HDAC9: variants seen among roughly 807,000 people sequenced by gnomAD.
HDAC9 encodes MEF-2 interacting transcription repressor (MITR) protein.
Under a neutral mutation model 139.4 loss-of-function variants are expected in HDAC9, and 41 were observed. That is an observed-to-expected ratio of 0.29 (90% CI 0.23 to 0.38). The LOEUF is 0.38. Among genes scored for constraint, HDAC9 ranks in the 10% least tolerant of loss-of-function variants. The pLI is 1.00. For missense variants in HDAC9, 1,147 were observed against 1,297.0 expected (o/e 0.88, Z 1.78); for synonymous variants, 517 against 476.2 (o/e 1.09, Z -1.12).
intron 1 of HDAC9, among the ~76,000 whole-genome samples, chr7:18,350,331 G>A (rs147379669): frequency 2.5e-4 from 38 of 152,258 alleles, no homozygotes; most frequent in Non-Finnish European, 4.6e-4. Context: ...GGATTCAGGA[G>A]CTAATTGTGT....
chr7:18,702,574 A>G (rs967512368), intron 12 of HDAC9, among the ~76,000 whole-genome samples: 1 of 152,190 alleles, frequency 6.6e-6, no homozygotes, highest in Non-Finnish European at 1.5e-5. Flanking sequence ...CCATAATGCT[A>G]TCCTGAGAGA....
intron 1 of HDAC9, among the ~76,000 whole-genome samples, chr7:18,146,126 C>G (rs888484623): frequency 2.6e-5 from 4 of 152,078 alleles, no homozygotes; most frequent in African/African-American, 9.7e-5. Flanking sequence ...TCAAGTAATT[C>G]CAGAATGCTG....
At position 18,727,598 on chromosome 7, in the gene HDAC9, C is replaced by A; in HGVS notation, c.1750C>A (p.His584Asn). ...GCAACAGCCTTTCCTGGAACCCACG[C>A]ACACACGTGCGCTCTCTGTGCGCCA... is the stretch of plus-strand genomic sequence containing the variant. ...FMQQPFLEPT[H>N]TRALSVRQAP... is the part of the protein sequence containing the mutation. Residue 584 changes from histidine to asparagine, a missense_variant, in exon 13 of 26, where the codon CAC (histidine) becomes AAC (asparagine). Transcript: ENST00000686413. The A allele has an allele frequency of 6.3e-7, 1 of 1,597,924 alleles. No homozygotes were observed. Among genetic ancestry groups the A allele is most frequent in the South Asian group, 1.1e-5 (1 of 87,984 alleles).
chr7:18,929,647 A>G (rs576547449), intron 22 of HDAC9, among the ~76,000 whole-genome samples: 1 of 152,226 alleles, frequency 6.6e-6, no homozygotes, highest in South Asian at 2.1e-4. Flanking sequence ...TTTAAAAAGT[A>G]TCTGACACGG....
chr7:18,220,930 A>G (rs1792655877), intron 2 of HDAC9, among the ~76,000 whole-genome samples: 1 of 152,124 alleles, frequency 6.6e-6, no homozygotes, highest in Non-Finnish European at 1.5e-5. Context: ...TCTCTTATGA[A>G]TATGTTGTTT....
chr7:18,230,151 A>G (rs1793349668), intron 2 of HDAC9, among the ~76,000 whole-genome samples: 1 of 152,190 alleles, frequency 6.6e-6, no homozygotes, highest in Non-Finnish European at 1.5e-5. Context: ...TGCAAGTACT[A>G]TACTTTTTCT....
At chr7:18,246,598 G>A (rs1794549940) in intron 2 of HDAC9, among the ~76,000 whole-genome samples, 1 of 152,064 alleles carries the variant, frequency 6.6e-6, no homozygotes, top group Non-Finnish European at 1.5e-5. Flanking sequence ...GAGGTGAAGA[G>A]GCTCATGTGG....
chr7:18,311,509 CAGAT>C (rs1799316563), intron 1 of HDAC9, among the ~76,000 whole-genome samples: 1 of 151,982 alleles, frequency 6.6e-6, no homozygotes, highest in Non-Finnish European at 1.5e-5. Flanking sequence ...ATTGTGCTAT[CAGAT>C]AGATAATATT....
At chr7:18,126,041 T>C (rs1784642554) in intron 1 of HDAC9, among the ~76,000 whole-genome samples, 2 of 152,196 alleles carry the variant, frequency 1.3e-5, no homozygotes, top group South Asian at 4.1e-4. Context: ...CTGGTTCCAT[T>C]AAATTTTGTA....
Position 18,824,093 on chromosome 7 carries a change from G to GAAGAAGAAGAAGAAGAAGAAGAAGAAC in HDAC9, c.2323-5066_2323-5065insGAAGAAGAAGAAGAAGAAGAAGAACAA, listed in dbSNP as rs869114650. Among the ~76,000 whole-genome samples the GAAGAAGAAGAAGAAGAAGAAGAAGAAC allele has an allele frequency of 5.3e-5, 8 of 150,768 alleles. No individual in the cohort carries two copies. The East Asian group carries it at 8.0e-4, about 15-fold the overall frequency. ...AGAAGAAGAAGAAGAAGAAGAACAAGAACAAGAAGGAGAAGAAGAAGAGGT... is the reference window on the plus strand; with the variant it reads ...AGAAGAAGAAGAAGAAGAAGAACAAGAAGAAGAAGAAGAAGAAGAAGAAGAACAACAAGAAGGAGAAGAAGAAGAGGT... On this transcript the variant is annotated intron_variant, in intron 17 of 25. Transcript: ENST00000686413.
At chr7:18,129,388 T>A (rs1040615547) in intron 1 of HDAC9, among the ~76,000 whole-genome samples, 20 of 152,262 alleles carry the variant, frequency 1.3e-4, no homozygotes, top group African/African-American at 4.8e-4. Flanking sequence ...AGAGAGGACC[T>A]TGTTTTATTC....
At chr7:18,216,394 G>T (rs577795231) in intron 2 of HDAC9, among the ~76,000 whole-genome samples, 3 of 151,790 alleles carry the variant, frequency 2.0e-5, no homozygotes, top group African/African-American at 7.3e-5. Flanking sequence ...TTTTTCTATC[G>T]TATTGGTAAG....
At position 18,590,351 on chromosome 7, in the gene HDAC9, C is replaced by G. The variant is rs762001635; in HGVS notation, c.280C>G (p.Leu94Val). The change falls in exon 4 of 26, where the codon CTA becomes GTA. Residue 94 changes from leucine (L) to valine (V), a missense_variant. This residue lies in a region of HDAC9 where 136 missense variants were observed against 183.5 expected (regional missense o/e 0.74). Coordinates refer to ENST00000686413, the MANE Select transcript of HDAC9 (RefSeq NM_178425.4). ...QEHIKLQQEL[L>V]AIKQQQELLE... is the part of the protein sequence containing the mutation. ...TTCTCGCAAGTTGCAACAGGAACTT[C>G]TAGCCATAAAACAGCAACAAGAACT... 6.2e-7 allele frequency: 1 copy of G among 1,611,376 alleles called. No homozygotes were observed. Among genetic ancestry groups the G allele is most frequent in the Non-Finnish European group, 8.5e-7 (1 of 1,179,176 alleles).
At chr7:18,739,619 C>G (rs956513616) in intron 13 of HDAC9, among the ~76,000 whole-genome samples, 2 of 152,072 alleles carry the variant, frequency 1.3e-5, no homozygotes, top group East Asian at 1.9e-4. Flanking sequence ...ATATTGCAGC[C>G]TGATCCTTCC....
intron 23 of HDAC9, among the ~76,000 whole-genome samples, chr7:18,953,680 C>T (rs1307333374): frequency 6.6e-6 from 1 of 152,064 alleles, no homozygotes; most frequent in African/African-American, 2.4e-5. Flanking sequence ...TGTCTCATGG[C>T]TTTCTATCGT....
At chr7:18,987,332 C>G (rs1456004457) in intron 25 of HDAC9, among the ~76,000 whole-genome samples, 4 of 152,140 alleles carry the variant, frequency 2.6e-5, no homozygotes, top group Non-Finnish European at 5.9e-5. Flanking sequence ...TATCATGTGG[C>G]TTTTGTCTTT....
rs192736444 is a variant in HDAC9, at chr7:18,631,233, C to T, written c.796+1752C>T. On this transcript the variant is annotated intron_variant, in intron 7 of 25. Transcript: ENST00000686413. Reference sequence around the variant, plus strand: ...TAAAATATATTTCTCTTCTTAATTTCGTGAGATAAGCACTCGCCCTTTCAC... The same window carrying T: ...TAAAATATATTTCTCTTCTTAATTTTGTGAGATAAGCACTCGCCCTTTCAC... 3.4e-4 allele frequency among the ~76,000 whole-genome samples: 51 copies of T among 152,174 alleles called. 1 individual carries two copies. Among genetic ancestry groups the T allele is most frequent in the Middle Eastern group, 3.4e-3 (1 of 294 alleles).
chr7:18,382,922 A>G lies in HDAC9; in HGVS notation c.-42+92407A>G, dbSNP rs551989256. Among the ~76,000 whole-genome samples the G allele has an allele frequency of 2.6e-4, 39 of 152,324 alleles. 1 individual carries two copies. The highest frequency in any genetic ancestry group is 9.4e-4 in the African/African-American group (39 of 41,580). ...ATATGTATATAAATGTGCAAATACA[A>G]ATATACACACACACATATTTTCTTT... On this transcript the variant is annotated intron_variant, in intron 1 of 3. Coordinates refer to the HDAC9 transcript ENST00000413509.
rs1585976643 is a variant in HDAC9, at chr7:18,447,636, T to C, written c.-41-48626T>C. ...ATTATTTTCACCAATACCTAAAACATCTGTATTCAGAGTTTTTGTTAACTA... is the reference window on the plus strand; with the variant it reads ...ATTATTTTCACCAATACCTAAAACACCTGTATTCAGAGTTTTTGTTAACTA... On this transcript the variant is annotated intron_variant, in intron 1 of 3. Transcript: ENST00000413509. Among the ~76,000 whole-genome samples the C allele has an allele frequency of 2.0e-5, 3 of 152,232 alleles. No individual in the cohort carries two copies. The South Asian group carries it at 6.2e-4, about 32-fold the overall frequency.
Sources: allele counts gnomAD v4.1 joint callset (sites outside exome capture counted in the v4.1 genomes callset), GRCh38; gene constraint gnomAD v4.1.1; regional missense constraint gnomAD v4.1.1; transcripts MANE v1.5; gene names NCBI Gene and HGNC (gene_info 2026-07-23, HGNC 2026-07-21).